The following HERC4 variants were observed in gnomAD, a reference collection of about 807,000 sequenced individuals.
HERC4 encodes the protein HECT and RLD domain containing E3 ubiquitin protein ligase 4, also known as probable E3 ubiquitin-protein ligase HERC4.
HERC4 carries 28 observed loss-of-function variants against 124.3 expected under a neutral mutation model. That is an observed-to-expected ratio of 0.23 (90% CI 0.17 to 0.31). The LOEUF (loss-of-function observed/expected upper bound fraction) is 0.31. HERC4 is among the 10% of genes least tolerant of loss of function. HERC4 has a pLI of 1.00. For synonymous variants in HERC4, 407 were observed against 421.5 expected (o/e 0.97, Z 0.42); for missense variants, 713 against 1,229.3 (o/e 0.58, Z 6.28).
intron 4 of HERC4, chr10:68,039,656 T>C: frequency 1.5e-6 from 2 of 1,346,652 alleles, no homozygotes; most frequent in Middle Eastern, 2.8e-4. Context: ...CCAATGCACC[T>C]TCAAATTTTC....
chr10:68,006,201 G>A (rs977544551), intron 9 of HERC4, among the ~76,000 whole-genome samples: 2 of 152,092 alleles, frequency 1.3e-5, no homozygotes, highest in African/African-American at 4.8e-5. Context: ...AAGATGAGTA[G>A]TGCGCACACC....
At chr10:68,061,421 T>C (rs2041004164) in intron 3 of HERC4, among the ~76,000 whole-genome samples, 1 of 148,022 alleles carries the variant, frequency 6.8e-6, no homozygotes, top group Non-Finnish European at 1.5e-5. Flanking sequence ...TAGTCCCAGC[T>C]AATCGGGAGG....
chr10:68,032,213 T>A (rs915072852), intron 7 of HERC4, among the ~76,000 whole-genome samples: 2 of 152,190 alleles, frequency 1.3e-5, no homozygotes, highest in African/African-American at 4.8e-5. Flanking sequence ...TCATCTAACT[T>A]CTAGTCACTC....
intron 9 of HERC4, chr10:67,993,714 T>C (rs1351825513): frequency 6.6e-6 from 1 of 152,066 alleles, no homozygotes; most frequent in Non-Finnish European, 1.5e-5. Context: ...AATAAGCAAA[T>C]TTATTAGGAA....
At chr10:67,968,166 A>G (rs2035003826) in intron 15 of HERC4, among the ~76,000 whole-genome samples, 1 of 152,202 alleles carries the variant, frequency 6.6e-6, no homozygotes, top group Non-Finnish European at 1.5e-5. Flanking sequence ...TGAAGCTGCC[A>G]GCACAGCCAG....
chr10:68,058,064 C>T (rs1020139431), intron 3 of HERC4, among the ~76,000 whole-genome samples: 2 of 151,880 alleles, frequency 1.3e-5, no homozygotes, highest in Non-Finnish European at 2.9e-5. Flanking sequence ...ACTTCCATCA[C>T]GTATGTGCTT....
rs191672598 is a variant in HERC4 at position 68,069,695 on chromosome 10, G to A, written c.226+3188C>T. 5.6e-4 allele frequency: 555 copies of A among 985,390 alleles called. 1 individual carries two copies. In the African/African-American group the frequency reaches 8.6e-3, roughly 15 times the overall value. The allele number at this position is 985,390 out of a possible 1,614,324, so 61.0% of individuals were successfully genotyped here. A position where few individuals can be genotyped will look rare whatever the true frequency, so the allele number is the denominator to read the frequency against. On this transcript the variant is annotated intron_variant, in intron 3 of 24. Coordinates refer to ENST00000373700, the MANE Select transcript of HERC4 (RefSeq NM_015601.4). ...TATTTATAAAGCCAACCTATGTAAA[G>A]AAACAATTCTTAGTTCCCTCCATTC...
rs543587475 is a variant in HERC4, at chr10:68,049,186, TA to T, written c.227-4624del. Among the ~76,000 whole-genome samples, 1,042 of 146,062 alleles carry T rather than the reference TA, an allele frequency of 7.1e-3. 11 individuals carry two copies. Among genetic ancestry groups the T allele is most frequent in the African/African-American group, 0.023 (938 of 39,950 alleles). ...ACGCTGAAATATTATGCTCTGCAAT[TA>T]AAAAAAAAAATCAAGAAAAGAGGAA... is the stretch of plus-strand genomic sequence containing the variant. On this transcript the variant is annotated intron_variant, in intron 3 of 24. Transcript: ENST00000373700.
At chr10:68,018,928 C>G (rs1358131718) in intron 8 of HERC4, among the ~76,000 whole-genome samples, 1 of 117,294 alleles carries the variant, frequency 8.5e-6, no homozygotes, top group African/African-American at 3.2e-5. Flanking sequence ...TTTGAGAGAA[C>G]TTCACAACCT....
chr10:68,007,006 G>A (rs1334242654), intron 9 of HERC4, among the ~76,000 whole-genome samples: 2 of 152,030 alleles, frequency 1.3e-5, no homozygotes, highest in African/African-American at 4.8e-5. Flanking sequence ...CTTGAATACT[G>A]ATATTTTTCT....
chr10:68,025,431 A>G, intron 8 of HERC4, 115 bp downstream of exon 8: 2 of 1,182,942 alleles, frequency 1.7e-6, no homozygotes, highest in Non-Finnish European at 1.2e-6. Flanking sequence ...CAAAATAGGT[A>G]TTTGGGGGCA....
rs778456961 is a variant in HERC4, at chr10:68,034,019, T to C, written c.631A>G (p.Ile211Val). The C allele has an allele frequency of 7.4e-6, 12 of 1,613,998 alleles. No homozygotes were observed. Among genetic ancestry groups the C allele is most frequent in the South Asian group, 1.1e-5 (1 of 91,086 alleles). Residue 211 changes from isoleucine to valine, a missense_variant, in exon 6 of 25, where the codon ATC (isoleucine) becomes GTC (valine). Physicochemically the swap from Ile to Val is conservative, Grantham distance 29. Coordinates refer to ENST00000373700, the MANE Select transcript of HERC4 (RefSeq NM_015601.4). ...HSFVLTLSGA[I>V]FGWGRNKFGQ... is the part of the protein sequence containing the mutation. Reference sequence around the variant, plus strand: ...AACTTGTTGCGTCCCCATCCAAAGATAGCTCCAGAAAGGGTGAGTACAAAA... The same window carrying C: ...AACTTGTTGCGTCCCCATCCAAAGACAGCTCCAGAAAGGGTGAGTACAAAA...
chr10:67,948,772 C>A (rs1457931426), intron 19 of HERC4, among the ~76,000 whole-genome samples: 1 of 151,638 alleles, frequency 6.6e-6, no homozygotes, highest in African/African-American at 2.4e-5. Context: ...AATACAAAAA[C>A]TAGCTGGGCA....
chr10:67,922,744 A>G lies in HERC4; in HGVS notation c.*187T>C. 1 of 462,270 alleles carries G rather than the reference A, an allele frequency of 2.2e-6. No homozygotes were observed. Among genetic ancestry groups the G allele is most frequent in the Non-Finnish European group, 3.9e-6 (1 of 257,286 alleles). The allele number at this position is 462,270 out of a possible 1,614,324, so 28.6% of individuals were successfully genotyped here. ...GGTCAAAAAAAATCCATGGTTCTGT[A>G]CAATAATATTAACAGTTTGTTCATT... On this transcript the variant is annotated 3_prime_UTR_variant, in exon 25 of 25. Coordinates refer to ENST00000373700, the MANE Select transcript of HERC4 (RefSeq NM_015601.4).
At chr10:68,033,165 A>T (rs973994425) in intron 6 of HERC4, among the ~76,000 whole-genome samples, 2 of 152,178 alleles carry the variant, frequency 1.3e-5, no homozygotes, top group African/African-American at 4.8e-5. Flanking sequence ...CCACACATAC[A>T]TCATTCTTTA....
At chr10:68,064,752 C>G (rs2041215031) in intron 3 of HERC4, among the ~76,000 whole-genome samples, 1 of 151,860 alleles carries the variant, frequency 6.6e-6, no homozygotes, top group Non-Finnish European at 1.5e-5. Context: ...GCAGGTGGAT[C>G]ACAAGGTCAG....
At chr10:67,934,905 GT>G (rs748194719) in intron 22 of HERC4, among the ~76,000 whole-genome samples, 57 of 133,336 alleles carry the variant, frequency 4.3e-4, no homozygotes, top group Admixed American at 5.2e-4. Flanking sequence ...TTTCTGGGAA[GT>G]TTTTTTTTTT....
chr10:68,030,200 G>A (rs10997913), intron 7 of HERC4, among the ~76,000 whole-genome samples: 1 of 152,106 alleles, frequency 6.6e-6, no homozygotes, highest in East Asian at 2.0e-4. Flanking sequence ...AGCATTCTGG[G>A]AGGCAGAGGC....
rs1168777288 is a variant in HERC4, at chr10:68,062,646, G to C, written c.226+10237C>G. On this transcript the variant is annotated intron_variant, in intron 3 of 24. Coordinates refer to ENST00000373700, the MANE Select transcript of HERC4 (RefSeq NM_015601.4). ...GTGGTGGTGGGTGCCTGTAATCCCA[G>C]CTACTCAGGAGGCTGAGGCAGGAGA... Among the ~76,000 whole-genome samples, 3 of 151,830 alleles carry C rather than the reference G, an allele frequency of 2.0e-5. No homozygotes were observed. The East Asian group carries it at 5.8e-4, about 29-fold the overall frequency.
Sources: allele counts gnomAD v4.1 joint callset (sites outside exome capture counted in the v4.1 genomes callset), GRCh38; gene constraint gnomAD v4.1.1; transcripts MANE v1.5; gene names NCBI Gene and HGNC (gene_info 2026-07-23, HGNC 2026-07-21).